The following MYH9 variants were observed in gnomAD, a reference collection of about 807,000 sequenced individuals.
The protein encoded by MYH9 is myosin heavy chain 9, also known as myosin-9.
Under a neutral mutation model 241.9 loss-of-function variants are expected in MYH9, and 29 were observed. The observed-to-expected ratio is 0.12, with a 90% CI of 0.09 to 0.16. MYH9 has a LOEUF of 0.16. Among genes scored for constraint, MYH9 ranks in the 10% least tolerant of loss-of-function variants. The pLI is 1.00. For synonymous variants in MYH9, 1,047 were observed against 1,062.6 expected, an observed-to-expected ratio of 0.99 and a Z score of 0.29; for missense variants, 1,803 against 2,595.5, an observed-to-expected ratio of 0.69 and a Z score of 6.63.
At position 36,320,696 on chromosome 22, in the gene MYH9, A is replaced by G; in HGVS notation, c.868+102T>C. 9.7e-7 allele frequency: 1 copy of G among 1,033,262 alleles called. No homozygotes were observed. Among genetic ancestry groups the G allele is most frequent in the Non-Finnish European group, 1.5e-6 (1 of 678,524 alleles). The allele number at this position is 1,033,262 out of a possible 1,614,324, so 64.0% of individuals were successfully genotyped here. On this transcript the variant is annotated intron_variant, in intron 8 of 40. Coordinates refer to ENST00000216181, the MANE Select transcript of MYH9 (RefSeq NM_002473.6). This position sits in a 1 kb window ranked among gnomAD's most constrained non-coding sequence, Gnocchi z 4.8. Reference sequence around the variant, plus strand: ...CTCTCACTTCTCCCCGTTAAACCCAAGGCCAAAAGTTTTCATTTCCCAAAT... The same window carrying G: ...CTCTCACTTCTCCCCGTTAAACCCAGGGCCAAAAGTTTTCATTTCCCAAAT...
rs1389645441 is a variant in MYH9, at chr22:36,306,902, A to G, written c.1844-295T>C. Among the ~76,000 whole-genome samples the G allele has an allele frequency of 6.6e-6, 1 of 152,148 alleles. No homozygotes were observed. The highest frequency in any genetic ancestry group is 2.4e-5 in the African/African-American group (1 of 41,432). On this transcript the variant is annotated intron_variant, in intron 15 of 40. Coordinates refer to ENST00000216181, the MANE Select transcript of MYH9 (RefSeq NM_002473.6). This position sits in a 1 kb window ranked among gnomAD's most constrained non-coding sequence, Gnocchi z 4.1. ...AGCCACTCTCGAAGCTCTTATTTCCAAAAAGACTCAATGAAGCTAGTCATG... is the reference window on the plus strand; with the variant it reads ...AGCCACTCTCGAAGCTCTTATTTCCGAAAAGACTCAATGAAGCTAGTCATG...
In MYH9 at chr22:36,300,751, T is replaced by G. The variant is rs2016863641; in HGVS notation, c.2838+100A>C. On this transcript the variant is annotated intron_variant, in intron 22 of 40. Coordinates refer to ENST00000216181, the MANE Select transcript of MYH9 (RefSeq NM_002473.6). The surrounding 1 kb of genome is among the most constrained non-coding windows in gnomAD (Gnocchi z 5.0). Reference sequence around the variant, plus strand: ...GCAGATTGCGTGAGGAGCAGCCTCCTTGGACCCTAATTCCATGTTCTCCCA... The same window carrying G: ...GCAGATTGCGTGAGGAGCAGCCTCCGTGGACCCTAATTCCATGTTCTCCCA... 2.2e-6 allele frequency: 3 copies of G among 1,386,832 alleles called. No individual in the cohort carries two copies. The South Asian group carries it at 3.5e-5, about 16-fold the overall frequency. The allele number at this position is 1,386,832 out of a possible 1,614,324, so 85.9% of individuals were successfully genotyped here. A position where few individuals can be genotyped will look rare whatever the true frequency, so the allele number is the denominator to read the frequency against.
At chr22:36,348,127 T>A (rs1003150220) in intron 2 of MYH9, among the ~76,000 whole-genome samples, 2 of 148,240 alleles carry the variant, frequency 1.3e-5, no homozygotes, top group Non-Finnish European at 3.0e-5. Flanking sequence ...AATTAAGATA[T>A]TTTATTTAAA....
intron 4 of MYH9, among the ~76,000 whole-genome samples, chr22:36,327,217 A>C (rs901987554): frequency 3.3e-5 from 5 of 152,148 alleles, no homozygotes; most frequent in Admixed American, 3.3e-4. Flanking sequence ...TTCTGCCATA[A>C]GCTCCACCCT....
Position 36,293,950 on chromosome 22 carries a change from T to G in MYH9, c.3838-87A>C. The G allele has an allele frequency of 6.8e-7, 1 of 1,466,462 alleles. No individual in the cohort carries two copies. Among genetic ancestry groups the G allele is most frequent in the Non-Finnish European group, 9.4e-7 (1 of 1,066,088 alleles). The allele number at this position is 1,466,462 out of a possible 1,614,324, so 90.8% of individuals were successfully genotyped here. On this transcript the variant is annotated intron_variant, in intron 28 of 40. Transcript: ENST00000216181. This position sits in a 1 kb window ranked among gnomAD's most constrained non-coding sequence, Gnocchi z 5.1. ...CATCTCCTTTAGGTAAAGCTGGACC[T>G]GAGTCACAAGCTGAACCATGAGGGT...
At chr22:36,290,897 G>A (rs1040344864) in intron 31 of MYH9, among the ~76,000 whole-genome samples, 3 of 152,100 alleles carry the variant, frequency 2.0e-5, no homozygotes, top group African/African-American at 7.2e-5. Flanking sequence ...GAAGTGAGGA[G>A]ACCCTCTGCC....
chr22:36,338,276 A>G (rs1248704272), intron 3 of MYH9, among the ~76,000 whole-genome samples: 1 of 151,918 alleles, frequency 6.6e-6, no homozygotes, highest in Non-Finnish European at 1.5e-5. Flanking sequence ...CTGGGATTAC[A>G]GGTGTAAGCC....
intron 1 of MYH9, among the ~76,000 whole-genome samples, chr22:36,356,211 T>C (rs2017853129): frequency 6.6e-6 from 1 of 152,204 alleles, no homozygotes; most frequent in Admixed American, 6.5e-5. Context: ...GGTGAACATG[T>C]CCTTTCTCTT....
In MYH9 at chr22:36,284,137, G is replaced by A. The variant is rs139486152; in HGVS notation, c.5721C>T (p.Ala1907=). 68 of 1,614,058 alleles carry A rather than the reference G, an allele frequency of 4.2e-5. No individual in the cohort carries two copies. The highest frequency in any genetic ancestry group is 3.3e-4 in the Middle Eastern group (2 of 6,070). The part of the protein sequence containing the change: ...QRELEDATET[A]DAMNREVSSL... Reference sequence around the variant, plus strand: ...AGCTGACTTCGCGGTTCATGGCATCGGCCGTCTCAGTGGCGTCCTCCAGCT... The same window carrying A: ...AGCTGACTTCGCGGTTCATGGCATCAGCCGTCTCAGTGGCGTCCTCCAGCT... Residue 1907 remains alanine (A), a synonymous_variant, in exon 40 of 41, where the codon GCC becomes GCT. Transcript: ENST00000216181.
intron 18 of MYH9, 43 bp downstream of exon 18, chr22:36,304,990 G>C (rs376145607): frequency 1.3e-6 from 2 of 1,596,248 alleles, no homozygotes; most frequent in African/African-American, 1.3e-5. Flanking sequence ...CCCCAGACAA[G>C]GGGCTGCCCA....
In MYH9 at chr22:36,320,318, T is replaced by C. The variant is rs755009539; in HGVS notation, c.914A>G (p.Asn305Ser). ...CTGCCCGGGGATGGTGACGTGTCCA[T>C]TGGACAGGAAGCGGTATTTGTTGTA... ...EPYNKYRFLS[N>S]GHVTIPGQQD... The change falls in exon 9 of 41, where the codon AAT becomes AGT. Residue 305 changes from asparagine (N) to serine (S), a missense_variant. By Grantham distance (46) the Asn-to-Ser change is conservative. Around this residue, in one of 11 missense-constraint regions of MYH9, gnomAD observed 222 missense variants for 359.9 expected, o/e 0.62. Transcript: ENST00000216181. This position sits in a 1 kb window ranked among gnomAD's most constrained non-coding sequence, Gnocchi z 4.8. The C allele has an allele frequency of 2.6e-5, 42 of 1,614,160 alleles. No individual in the cohort carries two copies. The highest frequency in any genetic ancestry group is 3.6e-5 in the Non-Finnish European group (42 of 1,180,018).
intron 34 of MYH9, among the ~76,000 whole-genome samples, chr22:36,287,238 T>G (rs2016601341): frequency 6.6e-6 from 1 of 152,208 alleles, no homozygotes; most frequent in Non-Finnish European, 1.5e-5. Context: ...TCCTGTTACT[T>G]CTTTTAACAC....
At chr22:36,336,547 G>A (rs2146379528) in intron 3 of MYH9, among the ~76,000 whole-genome samples, 1 of 152,358 alleles carries the variant, frequency 6.6e-6, no homozygotes, top group East Asian at 1.9e-4. Flanking sequence ...CCATCACAGA[G>A]TTCCGAGGAA....
At chr22:36,359,676 C>A (rs1008523305) in intron 1 of MYH9, among the ~76,000 whole-genome samples, 3 of 152,224 alleles carry the variant, frequency 2.0e-5, no homozygotes, top group African/African-American at 7.2e-5. Context: ...CTACCACCTA[C>A]TACCAGTCCG....
rs911076557 is a variant in MYH9 at position 36,286,145 on chromosome 22, A to G, written c.5062-192T>C. On this transcript the variant is annotated intron_variant, in intron 35 of 40. Coordinates refer to ENST00000216181, the MANE Select transcript of MYH9 (RefSeq NM_002473.6). ...ATAGCTTAAACACCATATGTTTATA[A>G]AACTCTTACATTTAAGTGCTAGGAA... is the stretch of plus-strand genomic sequence containing the variant. The G allele has an allele frequency of 3.4e-4, 214 of 636,158 alleles. No individual in the cohort carries two copies. The African/African-American group carries it at 3.7e-3, about 11-fold the overall frequency. The allele number at this position is 636,158 out of a possible 1,614,324, so 39.4% of individuals were successfully genotyped here.
intron 3 of MYH9, among the ~76,000 whole-genome samples, chr22:36,339,689 G>A (rs1051900390): frequency 5.9e-5 from 9 of 152,154 alleles, no homozygotes; most frequent in African/African-American, 9.7e-5. Flanking sequence ...TACCACCACT[G>A]TCTAGATAGA....
intron 1 of MYH9, among the ~76,000 whole-genome samples, chr22:36,353,243 C>T (rs182397816): frequency 1.3e-5 from 2 of 152,210 alleles, no homozygotes; most frequent in African/African-American, 4.8e-5. Context: ...TAGTAAAGAG[C>T]TGCTAAAAAT....
At chr22:36,297,564 C>T (rs1302493079) in intron 24 of MYH9, among the ~76,000 whole-genome samples, 1 of 152,208 alleles carries the variant, frequency 6.6e-6, no homozygotes, top group Non-Finnish European at 1.5e-5. Context: ...CAGTGCCTGC[C>T]TCGTGATGGT....
chr22:36,371,363 G>A (rs936294871), intron 1 of MYH9, among the ~76,000 whole-genome samples: 1 of 152,154 alleles, frequency 6.6e-6, no homozygotes, highest in East Asian at 1.9e-4. Flanking sequence ...GACCATGTGA[G>A]GACACAGTTG....
Sources: gnomAD v4.1 joint callset for allele counts (sites outside exome capture counted in the v4.1 genomes callset) on GRCh38, gnomAD v4.1.1 for gene constraint, gnomAD v4.1.1 regional missense constraint, Gnocchi (gnomAD v3.1) non-coding constraint, MANE v1.5 for transcripts, NCBI Gene and HGNC (gene_info 2026-07-23, HGNC 2026-07-21) for gene names.